THSD4: variants seen among roughly 807,000 people sequenced by gnomAD.
The protein encoded by THSD4 is thrombospondin type-1 domain-containing protein 4.
In THSD4, 69 loss-of-function variants were observed where a neutral mutation model predicts 119.0. The observed-to-expected ratio is 0.58, with a 90% CI of 0.48 to 0.71. THSD4 has a LOEUF of 0.71. Ranked by LOEUF, THSD4 falls within the 30% of genes least tolerant of loss-of-function variation. THSD4 has a pLI of 0.00. For missense variants in THSD4, 1,393 were observed against 1,391.1 expected (o/e 1.00, Z -0.02); for synonymous variants, 524 against 540.4 (o/e 0.97, Z 0.42).
At chr15:71,399,854 A>C (rs187551573) in intron 6 of THSD4, among the ~76,000 whole-genome samples, 151 of 152,258 alleles carry the variant, frequency 9.9e-4, no homozygotes, top group Non-Finnish European at 1.8e-3. Flanking sequence ...TGTACGTTAG[A>C]GTTTGAAAGC....
rs767148455 is a variant in THSD4 at position 71,555,675 on chromosome 15, C to G, written c.1153-104855C>G. On this transcript the variant is annotated intron_variant, in intron 7 of 17. Transcript: ENST00000261862. Reference sequence around the variant, plus strand: ...TCCATTTTATTTCTTTGTGTTAACACTCTCTTTTTCTTGTTTAGGAAATTA... The same window carrying G: ...TCCATTTTATTTCTTTGTGTTAACAGTCTCTTTTTCTTGTTTAGGAAATTA... Among the ~76,000 whole-genome samples the G allele has an allele frequency of 2.1e-4, 32 of 152,120 alleles. 1 individual carries two copies. Among genetic ancestry groups the G allele is most frequent in the Non-Finnish European group, 4.7e-4 (32 of 68,008 alleles).
At chr15:71,292,905 T>C (rs532582779) in intron 6 of THSD4, among the ~76,000 whole-genome samples, 4 of 152,318 alleles carry the variant, frequency 2.6e-5, no homozygotes, top group South Asian at 4.1e-4. Flanking sequence ...CTTGATCTCC[T>C]GACCTTGTGA....
At chr15:71,447,109 A>ATTTTTTTTTTTTTTT (rs1491223591) in intron 7 of THSD4, among the ~76,000 whole-genome samples, 1 of 69,448 alleles carries the variant, frequency 1.4e-5, no homozygotes. Flanking sequence ...TCTTCCCTCC[A>ATTTTTTTTTTTTTTT]TTTTTTTTGT....
chr15:71,199,835 TGTGTGTGCTGTGTGTGATGCATGTGTGGG>T lies in THSD4; in HGVS notation c.100-15192_100-15164del, dbSNP rs1245169082. 3.4e-5 allele frequency among the ~76,000 whole-genome samples: 5 copies of T among 146,270 alleles called. No homozygotes were observed. In the East Asian group the frequency reaches 8.1e-4, roughly 24 times the overall value. ...GTGTGATGCACGTGTGGGGTGTGTG[TGTGTGTGCTGTGTGTGATGCATGTGTGGG>T]GTGTGTGTGTGTGTGGTGCATGTGT... On this transcript the variant is annotated intron_variant, in intron 3 of 17. Coordinates refer to ENST00000261862, the MANE Select transcript of THSD4 (RefSeq NM_024817.3).
chr15:71,150,204 G>A (rs2040707164), intron 2 of THSD4, among the ~76,000 whole-genome samples: 1 of 152,172 alleles, frequency 6.6e-6, no homozygotes, highest in African/African-American at 2.4e-5. Flanking sequence ...CACACGAGTT[G>A]CACACACAGA....
At chr15:71,111,963 C>T, upstream of THSD4, 1 of 696,702 alleles carries the variant, frequency 1.4e-6, no homozygotes, top group Non-Finnish European at 2.3e-6. Flanking sequence ...CAGGCAATCT[C>T]AGTGCTTATA....
intron 1 of THSD4, among the ~76,000 whole-genome samples, chr15:71,133,480 AGAGGTCCTGTGTTGTGAGG>A (rs2040521966): frequency 6.6e-6 from 1 of 152,202 alleles, no homozygotes; most frequent in African/African-American, 2.4e-5. Context: ...TCTTTGAGGA[AGAGGTCCTGTGTTGTGAGG>A]GAGGAAAGAC....
chr15:71,430,143 C>A (rs144175160), intron 7 of THSD4, among the ~76,000 whole-genome samples: 1 of 150,738 alleles, frequency 6.6e-6, no homozygotes, highest in Non-Finnish European at 1.5e-5. Flanking sequence ...GCTTGTAGGG[C>A]CTTAGGAAAA....
intron 6 of THSD4, among the ~76,000 whole-genome samples, chr15:71,371,909 G>T (rs899202895): frequency 1.3e-5 from 2 of 152,126 alleles, no homozygotes; most frequent in Non-Finnish European, 2.9e-5. Flanking sequence ...ATCACTTTCA[G>T]GTACACCAGT....
intron 7 of THSD4, among the ~76,000 whole-genome samples, chr15:71,618,391 G>A (rs1051639882): frequency 1.3e-5 from 2 of 152,166 alleles, no homozygotes; most frequent in Non-Finnish European, 2.9e-5. Context: ...CATATGTGTC[G>A]ACGTGGATAG....
At chr15:71,550,751 T>C (rs1216199374) in intron 7 of THSD4, among the ~76,000 whole-genome samples, 1 of 152,162 alleles carries the variant, frequency 6.6e-6, no homozygotes, top group Non-Finnish European at 1.5e-5. Flanking sequence ...CGGTACAGTA[T>C]GGCAAAACCT....
intron 8 of THSD4, among the ~76,000 whole-genome samples, chr15:71,712,656 A>G (rs904795394): frequency 2.0e-5 from 3 of 152,260 alleles, no homozygotes; most frequent in Admixed American, 6.5e-5. Context: ...ATAAGCCTCT[A>G]TTCACAGCCC....
At chr15:71,259,357 A>G (rs2044362943) in intron 6 of THSD4, among the ~76,000 whole-genome samples, 1 of 152,098 alleles carries the variant, frequency 6.6e-6, no homozygotes, top group African/African-American at 2.4e-5. Context: ...GTGAGAATAA[A>G]TTTCTCTTGT....
rs1452570403 is a variant in THSD4, at chr15:71,699,314, G to A, written c.1358-29235G>A. Among the ~76,000 whole-genome samples the A allele has an allele frequency of 1.8e-5, 2 of 112,786 alleles. 1 individual carries two copies. Among genetic ancestry groups the A allele is most frequent in the Non-Finnish European group, 3.4e-5 (2 of 59,078 alleles). 74.0% of individuals were successfully genotyped at this position (112,786 alleles called of 152,430 possible). A position where few individuals can be genotyped will look rare whatever the true frequency, so the allele number is the denominator to read the frequency against. On this transcript the variant is annotated intron_variant, in intron 8 of 17. Transcript: ENST00000261862. Reference sequence around the variant, plus strand: ...TGCAAGCTCCGCCTCCCGGGTTCACGCCATTCTCCTGCCTCAGCCTCCCAA... The same window carrying A: ...TGCAAGCTCCGCCTCCCGGGTTCACACCATTCTCCTGCCTCAGCCTCCCAA...
At chr15:71,299,777 T>G (rs1182989615) in intron 6 of THSD4, among the ~76,000 whole-genome samples, 6 of 152,214 alleles carry the variant, frequency 3.9e-5, no homozygotes, top group Admixed American at 2.6e-4. Flanking sequence ...TGTATACATG[T>G]GCCATAACAC....
intron 11 of THSD4, among the ~76,000 whole-genome samples, chr15:71,739,168 C>T (rs890305818): frequency 6.6e-6 from 1 of 151,598 alleles, no homozygotes; most frequent in Non-Finnish European, 1.5e-5. Flanking sequence ...CCAACACTCA[C>T]AGCTCCCATA....
chr15:71,217,381 G>C (rs959509847), intron 4 of THSD4, among the ~76,000 whole-genome samples: 1 of 152,088 alleles, frequency 6.6e-6, no homozygotes, highest in Non-Finnish European at 1.5e-5. Flanking sequence ...ACTTTGGGAG[G>C]CCAAGGCAGG....
At chr15:71,169,496 C>A (rs542049882) in intron 3 of THSD4, among the ~76,000 whole-genome samples, 2 of 152,058 alleles carry the variant, frequency 1.3e-5, no homozygotes, top group African/African-American at 4.8e-5. Flanking sequence ...GTTTCCTTTA[C>A]AATAAAGCTA....
At chr15:71,757,854 G>C in intron 14 of THSD4, 48 bp from the exon 15 acceptor site, 1 of 1,604,644 alleles carries the variant, frequency 6.2e-7, no homozygotes, top group Admixed American at 1.7e-5. Flanking sequence ...AGTGGCTTCA[G>C]CAGCTGCCAG....
Sources: allele counts gnomAD v4.1 joint callset (sites outside exome capture counted in the v4.1 genomes callset), GRCh38; gene constraint gnomAD v4.1.1; transcripts MANE v1.5; gene names NCBI Gene and HGNC (gene_info 2026-07-23, HGNC 2026-07-21).